Variants in ABRAXAS1 observed in about 807,000 individuals in gnomAD.
ABRAXAS1 encodes abraxas 1, BRCA1 A complex subunit, also known as BRCA1-A complex subunit Abraxas 1.
A neutral mutation model predicts 38.4 loss-of-function variants in ABRAXAS1; 26 were observed. The ratio of observed to expected loss-of-function variants is 0.68; its 90% CI spans 0.50 to 0.94. ABRAXAS1 has a LOEUF of 0.94. ABRAXAS1 is among the 40% of genes least tolerant of loss of function. ABRAXAS1 has a pLI of 0.00. For synonymous variants in ABRAXAS1, 144 were observed against 165.5 expected (o/e 0.87, Z 1.00); for missense variants, 438 against 481.9 (o/e 0.91, Z 0.85).
rs149402633 is a variant in ABRAXAS1 at position 83,470,493 on chromosome 4, C to G, written c.283-97G>C. On this transcript the variant is annotated intron_variant, in intron 4 of 8. Coordinates refer to ENST00000321945, the MANE Select transcript of ABRAXAS1 (RefSeq NM_139076.3). ...AAATAAACAACCTTAAAATGGCTTT[C>G]TTAATATTTAGAAAGATTTGGGGCA... 774 of 885,988 alleles carry G rather than the reference C, an allele frequency of 8.7e-4. No individual in the cohort carries two copies. Among genetic ancestry groups the G allele is most frequent in the Non-Finnish European group, 1.2e-3 (709 of 606,298 alleles). The allele number at this position is 885,988 out of a possible 1,614,324, so 54.9% of individuals were successfully genotyped here.
intron 4 of ABRAXAS1, 126 bp from the exon 5 acceptor site, chr4:83,470,522 A>C: frequency 1.6e-6 from 1 of 617,934 alleles, no homozygotes. Flanking sequence ...TGGGGCATAT[A>C]TAAACAAAGA....
chr4:83,482,111 GGA>G lies in ABRAXAS1; in HGVS notation c.178+41_178+42del, dbSNP rs768909319. 10 of 1,214,734 alleles carry G rather than the reference GGA, an allele frequency of 8.2e-6. No individual in the cohort carries two copies. In the South Asian group the frequency reaches 1.2e-4, roughly 14 times the overall value. 75.2% of individuals were successfully genotyped at this position (1,214,734 alleles called of 1,614,324 possible). ...CTTTCAGCATAAACTATCAAATATAGGAGACACAGATGATTCAAATATAGGAG... is the reference window on the plus strand; with the variant it reads ...CTTTCAGCATAAACTATCAAATATAGGACACAGATGATTCAAATATAGGAG... On this transcript the variant is annotated intron_variant, in intron 2 of 8. Coordinates refer to ENST00000321945, the MANE Select transcript of ABRAXAS1 (RefSeq NM_139076.3).
chr4:83,482,873 T>C (rs569106017), intron 1 of ABRAXAS1, among the ~76,000 whole-genome samples: 12 of 152,214 alleles, frequency 7.9e-5, no homozygotes, highest in East Asian at 5.8e-4. Flanking sequence ...CTGGGCACAC[T>C]TGGAAGCATA....
chr4:83,473,361 C>T (rs1379614244), intron 3 of ABRAXAS1, among the ~76,000 whole-genome samples: 1 of 152,072 alleles, frequency 6.6e-6, no homozygotes, highest in Non-Finnish European at 1.5e-5. Flanking sequence ...AGAATTTATT[C>T]CTATATTTCC....
At chr4:83,481,085 T>C (rs866532238) in intron 2 of ABRAXAS1, among the ~76,000 whole-genome samples, 3 of 151,910 alleles carry the variant, frequency 2.0e-5, no homozygotes, top group African/African-American at 4.8e-5. Flanking sequence ...TGAGCCGGGA[T>C]TGCGCCACTG....
intron 4 of ABRAXAS1, among the ~76,000 whole-genome samples, chr4:83,471,451 G>A (rs998719776): frequency 9.2e-5 from 14 of 151,406 alleles, no homozygotes; most frequent in Non-Finnish European, 1.3e-4. Flanking sequence ...CTCGTGATCC[G>A]CCCTCCGCAG....
intron 7 of ABRAXAS1, among the ~76,000 whole-genome samples, chr4:83,464,884 ATTCC>A (rs1722289603): frequency 6.6e-6 from 1 of 152,222 alleles, no homozygotes; most frequent in African/African-American, 2.4e-5. Context: ...CCTGGTTCCA[ATTCC>A]TTCCTAAAGT....
intron 3 of ABRAXAS1, among the ~76,000 whole-genome samples, chr4:83,475,055 T>A (rs1722717765): frequency 6.6e-6 from 1 of 152,184 alleles, no homozygotes; most frequent in African/African-American, 2.4e-5. Context: ...CAGGCATTGG[T>A]TTCTCATCAC....
intron 4 of ABRAXAS1, among the ~76,000 whole-genome samples, chr4:83,471,191 CTTTTTTTTTTTTTTTTTTT>C (rs869128932): frequency 5.2e-5 from 3 of 58,170 alleles, no homozygotes; most frequent in African/African-American, 1.5e-4. Flanking sequence ...AAAGAAACAT[CTTTTTTTTTTTTTTTTTTT>C]TTTTTTTTTT....
Position 83,485,054 on chromosome 4 carries a change from A to G in ABRAXAS1, c.19T>C (p.Ser7Pro). 1 of 1,593,810 alleles carries G rather than the reference A, an allele frequency of 6.3e-7. No individual in the cohort carries two copies. Among genetic ancestry groups the G allele is most frequent in the East Asian group, 2.3e-5 (1 of 42,706 alleles). MEGESTSAVLSGFVLGA... is the reference protein window; with the variant it reads MEGESTPAVLSGFVLGA... The stretch of plus-strand genomic sequence containing the variant: ...AGCACAAAGCCCGAGAGCACCGCCG[A>G]CGTACTCTCCCCCTCCATGCTACCG... Residue 7 changes from serine to proline, a missense_variant, in exon 1 of 9, where the codon TCG (serine) becomes CCG (proline). Around this residue, in one of 3 missense-constraint regions of ABRAXAS1, gnomAD observed 60 missense variants for 31.1 expected, o/e 1.93. Coordinates refer to ENST00000321945, the MANE Select transcript of ABRAXAS1 (RefSeq NM_139076.3).
chr4:83,462,266 GT>G lies in ABRAXAS1; in HGVS notation c.*202del, dbSNP rs1722147417. 1 of 536,164 alleles carries G rather than the reference GT, an allele frequency of 1.9e-6. No individual in the cohort carries two copies. The highest frequency in any genetic ancestry group is 1.9e-5 in the African/African-American group (1 of 52,278). 33.2% of individuals were successfully genotyped at this position (536,164 alleles called of 1,614,324 possible). A position where few individuals can be genotyped will look rare whatever the true frequency, so the allele number is the denominator to read the frequency against. Reference sequence around the variant, plus strand: ...CAACTTAGTGAAAGGTGAAAAAAAGGTTTGGAAATAAAAGCATCTGATGTTT... The same window carrying G: ...CAACTTAGTGAAAGGTGAAAAAAAGGTTGGAAATAAAAGCATCTGATGTTT... On this transcript the variant is annotated 3_prime_UTR_variant, in exon 9 of 9. Transcript: ENST00000321945.
intron 3 of ABRAXAS1, among the ~76,000 whole-genome samples, chr4:83,472,547 A>G (rs1442037556): frequency 6.6e-6 from 1 of 152,154 alleles, no homozygotes; most frequent in Non-Finnish European, 1.5e-5. Flanking sequence ...GTTTTTTTTG[A>G]ACCTAAAACA....
At chr4:83,481,351 G>A (rs1273130804) in intron 2 of ABRAXAS1, among the ~76,000 whole-genome samples, 1 of 151,954 alleles carries the variant, frequency 6.6e-6, no homozygotes, top group East Asian at 1.9e-4. Flanking sequence ...GCATTTTAAA[G>A]GTTCTCCCCT....
rs1406594069 is a variant in ABRAXAS1, at chr4:83,477,582, A to G, written c.179-903T>C. The G allele has an allele frequency of 2.7e-5, 13 of 489,474 alleles. 1 individual carries two copies. The highest frequency in any genetic ancestry group is 1.7e-4 in the Admixed American group (7 of 42,340). The allele number at this position is 489,474 out of a possible 1,614,324, so 30.3% of individuals were successfully genotyped here. ...CGTCTGAACTGGAAACCCTTTGTAT[A>G]TGACGCCTTGCCTCTATCACTGCTG... On this transcript the variant is annotated intron_variant, in intron 2 of 8. Coordinates refer to ENST00000321945, the MANE Select transcript of ABRAXAS1 (RefSeq NM_139076.3).
At position 83,483,712 on chromosome 4, in the gene ABRAXAS1, G is replaced by GA. The variant is rs138046226; in HGVS notation, c.87+1273dup. On this transcript the variant is annotated intron_variant, in intron 1 of 8. Transcript: ENST00000321945. ...TTGATACTCAAAAGACGAACTCAGG[G>GA]AAGGGAAGCAGGGGGGCAATGCAAG... 0.023 allele frequency among the ~76,000 whole-genome samples: 3,479 copies of GA among 152,150 alleles called. 282 individuals are homozygous for GA. The East Asian group carries it at 0.29, about 13-fold the overall frequency.
At chr4:83,478,028 A>G (rs371987440) in intron 2 of ABRAXAS1, 2 of 986,694 alleles carry the variant, frequency 2.0e-6, no homozygotes, top group East Asian at 2.8e-5. Flanking sequence ...GGAAGGCACC[A>G]GGGGTCTGTG....
chr4:83,471,047 A>G (rs921056681), intron 4 of ABRAXAS1, among the ~76,000 whole-genome samples: 2 of 152,162 alleles, frequency 1.3e-5, no homozygotes, highest in African/African-American at 2.4e-5. Context: ...ACTAAATTAT[A>G]TATTTGCACA....
At position 83,474,565 on chromosome 4, in the gene ABRAXAS1, A is replaced by G. The variant is rs1306367920; in HGVS notation, c.215+2078T>C. ...CATCTCTACTAAAAATACAAAAAAA[A>G]TCAGCCGGGCTTGGTGGCACCCATC... On this transcript the variant is annotated intron_variant, in intron 3 of 8. Transcript: ENST00000321945. 3.3e-5 allele frequency among the ~76,000 whole-genome samples: 5 copies of G among 152,074 alleles called. No individual in the cohort carries two copies. The South Asian group carries it at 8.3e-4, about 25-fold the overall frequency.
intron 5 of ABRAXAS1, chr4:83,469,938 AG>A (rs1560574429): frequency 7.2e-6 from 2 of 278,490 alleles, no homozygotes; most frequent in African/African-American, 4.4e-5. Flanking sequence ...TTAAAAAAAA[AG>A]TTTTTTTCCA....
Sources: allele counts gnomAD v4.1 joint callset (sites outside exome capture counted in the v4.1 genomes callset), GRCh38; gene constraint gnomAD v4.1.1; regional missense constraint gnomAD v4.1.1; transcripts MANE v1.5; gene names NCBI Gene and HGNC (gene_info 2026-07-23, HGNC 2026-07-21).